The following CRISPLD2 variants were observed in gnomAD, a reference collection of about 807,000 sequenced individuals.
The protein encoded by CRISPLD2 is cysteine rich secretory protein LCCL domain containing 2.
CRISPLD2 carries 47 observed loss-of-function variants against 71.1 expected under a neutral mutation model. The observed-to-expected ratio is 0.66, with a 90% CI of 0.52 to 0.84. The LOEUF is 0.84. Among genes scored for constraint, CRISPLD2 ranks in the 40% least tolerant of loss-of-function variants. The pLI is 0.00. For synonymous variants in CRISPLD2, 317 were observed against 250.1 expected, an observed-to-expected ratio of 1.27 and a Z score of -2.52; for missense variants, 830 against 651.1, an observed-to-expected ratio of 1.27 and a Z score of -2.99.
intron 14 of CRISPLD2, among the ~76,000 whole-genome samples, chr16:84,890,744 G>A (rs1047345956): frequency 6.6e-6 from 1 of 151,976 alleles, no homozygotes; most frequent in African/African-American, 2.4e-5. Context: ...GTAGTGAGCC[G>A]GGATTGTGTC....
chr16:84,853,409 C>T (rs1012740441), intron 5 of CRISPLD2, among the ~76,000 whole-genome samples: 98 of 152,276 alleles, frequency 6.4e-4, no homozygotes, highest in African/African-American at 2.3e-3. Flanking sequence ...ATGGCACGGA[C>T]GCGATCATTC....
At chr16:84,903,364 C>T (rs1477568487) in intron 14 of CRISPLD2, among the ~76,000 whole-genome samples, 1 of 152,024 alleles carries the variant, frequency 6.6e-6, no homozygotes, top group Non-Finnish European at 1.5e-5. Flanking sequence ...ATCATGAGCT[C>T]AGGCGTTTGA....
chr16:84,866,792 C>G (rs1917549788), intron 6 of CRISPLD2, 105 bp from the exon 7 acceptor site: 2 of 1,115,436 alleles, frequency 1.8e-6, no homozygotes, highest in Non-Finnish European at 1.3e-6. Flanking sequence ...CTTTGTAAAA[C>G]CAAACCTCAA....
rs73253408 is a variant in CRISPLD2, at chr16:84,889,487, C to G, written c.1439+124C>G. ...AAACTCGGGTAGACTTGCACGAATT[C>G]TTACCAGGACTCCCAGGTAAGAGAC... On this transcript the variant is annotated intron_variant, in intron 14 of 14. Transcript: ENST00000262424. The G allele has an allele frequency of 1.5e-4, 141 of 927,178 alleles. No homozygotes were observed. The African/African-American group carries it at 2.2e-3, about 14-fold the overall frequency. 57.4% of individuals were successfully genotyped at this position (927,178 alleles called of 1,614,324 possible).
intron 6 of CRISPLD2, among the ~76,000 whole-genome samples, chr16:84,856,209 T>C (rs569035076): frequency 7.9e-5 from 12 of 152,338 alleles, no homozygotes; most frequent in African/African-American, 2.9e-4. Context: ...CTGTTGTAGT[T>C]TCCCATTGAC....
intron 12 of CRISPLD2, among the ~76,000 whole-genome samples, chr16:84,880,062 C>G (rs745647176): frequency 6.6e-5 from 10 of 152,152 alleles, no homozygotes; most frequent in African/African-American, 1.9e-4. Flanking sequence ...TTGGAATATT[C>G]TGTGACTCAG....
intron 6 of CRISPLD2, among the ~76,000 whole-genome samples, chr16:84,857,917 C>T (rs2088390): frequency 0.099 from 15,016 of 152,192 alleles, 843 homozygotes; most frequent in Admixed American, 0.17. Context: ...CTGCTGTGCA[C>T]GACCCGCTTT....
Position 84,838,702 on chromosome 16 carries a change from G to A in CRISPLD2, c.207G>A (p.Gln69=). 1 of 1,614,016 alleles carries A rather than the reference G, an allele frequency of 6.2e-7. No individual in the cohort carries two copies. The highest frequency in any genetic ancestry group is 8.5e-7 in the Non-Finnish European group (1 of 1,180,022). Reference sequence around the variant, plus strand: ...TGCTGCACAACAAGCTTCGGGGCCAGGTGCAGCCTCAGGCCTCCAACATGG... The same window carrying A: ...TGCTGCACAACAAGCTTCGGGGCCAAGTGCAGCCTCAGGCCTCCAACATGG... ...ILMLHNKLRG[Q]VQPQASNMEY... is the part of the protein sequence containing the mutation. Residue 69 remains glutamine, a synonymous_variant, in exon 2 of 15, where the codon CAG becomes CAA. Coordinates refer to ENST00000262424, the MANE Select transcript of CRISPLD2 (RefSeq NM_031476.4).
chr16:84,839,019 G>A, intron 2 of CRISPLD2: 1 of 544,884 alleles, frequency 1.8e-6, no homozygotes. Flanking sequence ...CCAAGTAGCT[G>A]GAACTACAGG....
At chr16:84,849,977 C>T (rs1210679967) in intron 4 of CRISPLD2, among the ~76,000 whole-genome samples, 2 of 151,880 alleles carry the variant, frequency 1.3e-5, no homozygotes, top group East Asian at 3.9e-4. Flanking sequence ...CCTCCCCGCT[C>T]AGCTTCCCAA....
intron 13 of CRISPLD2, among the ~76,000 whole-genome samples, chr16:84,884,748 C>T (rs1161730521): frequency 6.6e-6 from 1 of 152,176 alleles, no homozygotes; most frequent in Non-Finnish European, 1.5e-5. Context: ...TTCGTACTGA[C>T]GCCCTGCAGC....
intron 1 of CRISPLD2, among the ~76,000 whole-genome samples, chr16:84,837,573 C>T (rs1221651752): frequency 2.3e-5 from 3 of 132,552 alleles, no homozygotes; most frequent in Non-Finnish European, 5.2e-5. Flanking sequence ...CGTGACACCA[C>T]GCCCGGGTAA....
At position 84,872,318 on chromosome 16, in the gene CRISPLD2, A is replaced by G. The variant is rs1230362816; in HGVS notation, c.915-124A>G. ...GTCTGACTTGTCCAAAAACAATGGA[A>G]TCCACATGAATGAAGCTTTTCTATA... On this transcript the variant is annotated intron_variant, in intron 8 of 14. Transcript: ENST00000262424. The G allele has an allele frequency of 7.4e-6, 6 of 815,928 alleles. No homozygotes were observed. The African/African-American group carries it at 1.0e-4, about 14-fold the overall frequency. 50.5% of individuals were successfully genotyped at this position (815,928 alleles called of 1,614,324 possible). A position where few individuals can be genotyped will look rare whatever the true frequency, so the allele number is the denominator to read the frequency against.
At chr16:84,878,114 C>A (rs1292718237) in intron 12 of CRISPLD2, among the ~76,000 whole-genome samples, 1 of 151,500 alleles carries the variant, frequency 6.6e-6, no homozygotes, top group Non-Finnish European at 1.5e-5. Context: ...TTCCCAGCTA[C>A]TCGGGAGTCT....
intron 2 of CRISPLD2, among the ~76,000 whole-genome samples, chr16:84,840,932 T>A (rs1916753414): frequency 6.6e-6 from 1 of 152,164 alleles, no homozygotes; most frequent in African/African-American, 2.4e-5. Context: ...TTCTATGTAT[T>A]TTTGAGTGCC....
chr16:84,821,757 TAGGAA>T (rs1916236023), intron 1 of CRISPLD2, among the ~76,000 whole-genome samples: 1 of 151,942 alleles, frequency 6.6e-6, no homozygotes, highest in Non-Finnish European at 1.5e-5. Context: ...GATGTGAGAG[TAGGAA>T]TAGTAATAAT....
intron 3 of CRISPLD2, among the ~76,000 whole-genome samples, chr16:84,846,329 T>G (rs1916914152): frequency 6.8e-6 from 1 of 147,472 alleles, no homozygotes. Flanking sequence ...CTCGGCTCAC[T>G]GCAACCTCTG....
At chr16:84,859,360 C>A (rs1383529110) in intron 6 of CRISPLD2, among the ~76,000 whole-genome samples, 1 of 152,212 alleles carries the variant, frequency 6.6e-6, no homozygotes, top group Non-Finnish European at 1.5e-5. Flanking sequence ...CCCCTGGAGT[C>A]AACACCTGCT....
chr16:84,901,514 C>G (rs1299075378), intron 14 of CRISPLD2, among the ~76,000 whole-genome samples: 1 of 150,164 alleles, frequency 6.7e-6, no homozygotes, highest in Non-Finnish European at 1.5e-5. Context: ...CTGTGTCGCC[C>G]AGGCTGGAGT....
Sources: allele counts gnomAD v4.1 joint callset (sites outside exome capture counted in the v4.1 genomes callset), GRCh38; gene constraint gnomAD v4.1.1; transcripts MANE v1.5; gene names NCBI Gene and HGNC (gene_info 2026-07-23, HGNC 2026-07-21).